FILIP1L: variants seen among roughly 807,000 people sequenced by gnomAD.
The protein encoded by FILIP1L is filamin A-interacting protein 1-like.
Under a neutral mutation model 96.6 loss-of-function variants are expected in FILIP1L, and 55 were observed. That is an observed-to-expected ratio of 0.57 (90% CI 0.46 to 0.71). The LOEUF is 0.71. Among genes scored for constraint, FILIP1L ranks in the 30% least tolerant of loss-of-function variants. The pLI is 0.00. For missense variants in FILIP1L, 1,304 were observed against 1,321.2 expected (o/e 0.99, Z 0.20); for synonymous variants, 467 against 473.9 (o/e 0.99, Z 0.19).
intron 4 of FILIP1L, among the ~76,000 whole-genome samples, chr3:99,910,145 G>T (rs1464845045): frequency 1.5e-5 from 2 of 136,218 alleles, no homozygotes; most frequent in Admixed American, 7.8e-5. Flanking sequence ...TGGTTTATAC[G>T]TAATTTCTAT....
chr3:99,829,521 C>T lies in FILIP1L; in HGVS notation c.*893G>A, dbSNP rs752205618. Among the ~76,000 whole-genome samples the T allele has an allele frequency of 6.6e-6, 1 of 152,202 alleles. No individual in the cohort carries two copies. The highest frequency in any genetic ancestry group is 2.1e-4 in the South Asian group (1 of 4,824). On this transcript the variant is annotated 3_prime_UTR_variant, in exon 6 of 6. Transcript: ENST00000477258. The stretch of plus-strand genomic sequence containing the variant: ...GGAAGGGACCTGAGGAATTATTTCA[C>T]TTTCCTGTTTTACATGTGGAAACTC...
intron 1 of FILIP1L, among the ~76,000 whole-genome samples, chr3:100,042,691 T>C (rs888023822): frequency 2.0e-5 from 3 of 152,178 alleles, no homozygotes; most frequent in African/African-American, 7.2e-5. Context: ...GAGGGAGGAA[T>C]AGAGAACAGG....
At chr3:99,974,391 A>G (rs1708907983) in intron 1 of FILIP1L, among the ~76,000 whole-genome samples, 2 of 152,206 alleles carry the variant, frequency 1.3e-5, no homozygotes, top group South Asian at 4.1e-4. Flanking sequence ...TATCAGGTCA[A>G]AAAACTTAGA....
chr3:100,051,750 G>A (rs978494747), intron 1 of FILIP1L, among the ~76,000 whole-genome samples: 3 of 151,078 alleles, frequency 2.0e-5, no homozygotes, highest in Non-Finnish European at 2.9e-5. Flanking sequence ...TAATCTAGTC[G>A]ATCATTGTTG....
At chr3:99,902,394 A>C (rs1706465524) in intron 4 of FILIP1L, among the ~76,000 whole-genome samples, 1 of 152,208 alleles carries the variant, frequency 6.6e-6, no homozygotes, top group Non-Finnish European at 1.5e-5. Flanking sequence ...CATGTTTTAC[A>C]AGAAGCAGTT....
At chr3:99,946,042 G>C (rs184952106) in intron 1 of FILIP1L, among the ~76,000 whole-genome samples, 8 of 152,280 alleles carry the variant, frequency 5.3e-5, no homozygotes, top group African/African-American at 1.9e-4. Context: ...CCAATAAAAA[G>C]ATAAAGTTCT....
intron 1 of FILIP1L, among the ~76,000 whole-genome samples, chr3:100,058,425 T>C (rs987208217): frequency 2.0e-5 from 3 of 152,198 alleles, no homozygotes; most frequent in African/African-American, 4.8e-5. Flanking sequence ...CAGAGAAAAG[T>C]TGACACATAG....
chr3:100,030,314 C>G (rs771817805), intron 1 of FILIP1L, among the ~76,000 whole-genome samples: 1 of 152,122 alleles, frequency 6.6e-6, no homozygotes, highest in Non-Finnish European at 1.5e-5. Context: ...AGTCAGTGAT[C>G]AGGCCAAAAC....
intron 5 of FILIP1L, among the ~76,000 whole-genome samples, chr3:99,840,327 G>A (rs766682232): frequency 1.8e-4 from 27 of 148,652 alleles, no homozygotes; most frequent in Non-Finnish European, 3.0e-4. Flanking sequence ...GGGTTGAAGC[G>A]ATTCTCCTGC....
chr3:100,034,875 T>C (rs1182075478), intron 1 of FILIP1L, among the ~76,000 whole-genome samples: 1 of 152,204 alleles, frequency 6.6e-6, no homozygotes, highest in African/African-American at 2.4e-5. Context: ...TTGTGGTGTT[T>C]TTTCTCAGTA....
At chr3:100,082,013 A>G (rs953700574) in intron 1 of FILIP1L, among the ~76,000 whole-genome samples, 1 of 152,154 alleles carries the variant, frequency 6.6e-6, no homozygotes, top group African/African-American at 2.4e-5. Context: ...CTGAGGAAAA[A>G]CTGTTCCAGT....
At chr3:100,070,863 T>G (rs2065749625) in intron 1 of FILIP1L, among the ~76,000 whole-genome samples, 1 of 152,214 alleles carries the variant, frequency 6.6e-6, no homozygotes, top group Admixed American at 6.5e-5. Flanking sequence ...ACTCCTGACT[T>G]CAGGCGATCT....
At chr3:99,981,436 C>T (rs911549331) in intron 1 of FILIP1L, among the ~76,000 whole-genome samples, 13 of 152,084 alleles carry the variant, frequency 8.5e-5, no homozygotes, top group African/African-American at 3.1e-4. Flanking sequence ...ATTTGCATGT[C>T]CTGTTTCTCT....
At chr3:99,843,413 T>C (rs958056444) in intron 5 of FILIP1L, among the ~76,000 whole-genome samples, 2 of 152,176 alleles carry the variant, frequency 1.3e-5, no homozygotes, top group African/African-American at 4.8e-5. Flanking sequence ...GAATAAACCT[T>C]CTGTTTGTCA....
At chr3:100,038,619 A>G (rs2065150288) in intron 1 of FILIP1L, among the ~76,000 whole-genome samples, 3 of 152,210 alleles carry the variant, frequency 2.0e-5, no homozygotes, top group Non-Finnish European at 4.4e-5. Flanking sequence ...TTTATCCAAT[A>G]CTATGCTTCC....
At chr3:99,983,478 A>G (rs1207007780) in intron 1 of FILIP1L, among the ~76,000 whole-genome samples, 578 of 22,106 alleles carry the variant, frequency 0.026, 24 homozygotes, top group African/African-American at 0.074. Flanking sequence ...ATATATATAT[A>G]TATATATATA....
At chr3:99,934,497 T>C (rs1167503681) in intron 1 of FILIP1L, among the ~76,000 whole-genome samples, 1 of 152,212 alleles carries the variant, frequency 6.6e-6, no homozygotes, top group Non-Finnish European at 1.5e-5. Context: ...TGTGGAACAA[T>C]AGTCTACTGA....
chr3:100,094,778 G>A (rs28870092), intron 1 of FILIP1L, among the ~76,000 whole-genome samples: 24,168 of 149,888 alleles, frequency 0.16, 2,297 homozygotes, highest in South Asian at 0.21. Context: ...CTGCCTCCCG[G>A]GTTCATGCCA....
intron 3 of FILIP1L, 97 bp from the exon 4 acceptor site, chr3:99,924,505 T>C (rs990361373): frequency 7.9e-7 from 1 of 1,260,194 alleles, no homozygotes; most frequent in Non-Finnish European, 1.1e-6. Flanking sequence ...AATTCGGCAG[T>C]GGGTTTTTTT....
Sources: gnomAD v4.1 joint callset for allele counts (sites outside exome capture counted in the v4.1 genomes callset) on GRCh38, gnomAD v4.1.1 for gene constraint, MANE v1.5 for transcripts, NCBI Gene and HGNC (gene_info 2026-07-23, HGNC 2026-07-21) for gene names.